The following MTUS2 variants were observed in gnomAD, a reference collection of about 807,000 sequenced individuals.
MTUS2 encodes microtubule associated scaffold protein 2.
In MTUS2, 40 loss-of-function variants were observed where a neutral mutation model predicts 114.1. The ratio of observed to expected loss-of-function variants is 0.35; its 90% CI spans 0.27 to 0.46. The LOEUF (loss-of-function observed/expected upper bound fraction) is 0.46, where lower values mean the gene tolerates loss of function less well. MTUS2 is among the 20% of genes least tolerant of loss of function. MTUS2 has a pLI of 1.00. For missense variants in MTUS2, 1,679 were observed against 1,705.4 expected, an observed-to-expected ratio of 0.98 and a Z score of 0.27; for synonymous variants, 688 against 672.0, an observed-to-expected ratio of 1.02 and a Z score of -0.37.
intron 7 of MTUS2, among the ~76,000 whole-genome samples, chr13:29,337,793 G>GTTTTT (rs567260002): frequency 0.069 from 9,071 of 132,408 alleles, 1,068 homozygotes; most frequent in African/African-American, 0.24. Flanking sequence ...GTTTGTTTTG[G>GTTTTT]TTTTTTTTTT....
At chr13:28,999,282 A>C (rs1885271571) in intron 2 of MTUS2, among the ~76,000 whole-genome samples, 2 of 152,106 alleles carry the variant, frequency 1.3e-5, no homozygotes, top group Admixed American at 1.3e-4. Context: ...TGGCCGTGTG[A>C]GGTGTCAGTC....
At chr13:28,840,010 ATAAAT>A (rs1009632857) in intron 2 of MTUS2, among the ~76,000 whole-genome samples, 160 bp downstream of exon 2, 6 of 147,626 alleles carry the variant, frequency 4.1e-5, no homozygotes, top group African/African-American at 7.6e-5. Flanking sequence ...GTCAATGAAA[ATAAAT>A]TATATGAAAG....
chr13:28,967,854 A>G (rs184693368), intron 2 of MTUS2, among the ~76,000 whole-genome samples: 27 of 152,326 alleles, frequency 1.8e-4, no homozygotes, highest in Admixed American at 1.1e-3. Flanking sequence ...TATGGAGTAT[A>G]TGGCTGTAGT....
In MTUS2 at chr13:29,125,705, C is replaced by G. The variant is rs374273847; in HGVS notation, c.2644+24735C>G. ...TACCTGGGAAGTTATAAAAATCACT[C>G]AGTAAAATGAAGTTGTTAAAAGGCA... On this transcript the variant is annotated intron_variant, in intron 5 of 15. Transcript: ENST00000612955. 1.6e-4 allele frequency among the ~76,000 whole-genome samples: 25 copies of G among 152,234 alleles called. No homozygotes were observed. The East Asian group carries it at 4.5e-3, about 27-fold the overall frequency.
At chr13:29,491,676 GTGTGGT>G (rs985635254) in intron 11 of MTUS2, among the ~76,000 whole-genome samples, 2 of 138,598 alleles carry the variant, frequency 1.4e-5, no homozygotes, top group African/African-American at 6.3e-5. Flanking sequence ...ATGCGATTGT[GTGTGGT>G]GTGTGTGGAG....
At chr13:28,871,393 A>G (rs1187885227) in intron 2 of MTUS2, among the ~76,000 whole-genome samples, 1 of 152,168 alleles carries the variant, frequency 6.6e-6, no homozygotes, top group Non-Finnish European at 1.5e-5. Context: ...TTCTGGGATT[A>G]TAGTGGCTCA....
intron 5 of MTUS2, among the ~76,000 whole-genome samples, chr13:29,200,916 G>A (rs985221552): frequency 1.3e-5 from 2 of 152,086 alleles, no homozygotes; most frequent in Non-Finnish European, 2.9e-5. Flanking sequence ...TCTGAGGAGC[G>A]TTTTACTTCC....
chr13:28,938,694 A>G (rs983983721), intron 2 of MTUS2, among the ~76,000 whole-genome samples: 1 of 152,158 alleles, frequency 6.6e-6, no homozygotes, highest in African/African-American at 2.4e-5. Flanking sequence ...TTATTGGAGA[A>G]ATTGAGATTC....
At chr13:28,905,389 GT>G (rs1189821541) in intron 2 of MTUS2, among the ~76,000 whole-genome samples, 1 of 151,472 alleles carries the variant, frequency 6.6e-6, no homozygotes, top group African/African-American at 2.4e-5. Context: ...TTGGCTGTGG[GT>G]TTGTCATAGA....
Position 29,026,174 on chromosome 13 carries a change from C to T in MTUS2, c.1476C>T (p.Gly492=). The T allele has an allele frequency of 6.2e-7, 1 of 1,613,992 alleles. No individual in the cohort carries two copies. Among genetic ancestry groups the T allele is most frequent in the Non-Finnish European group, 8.5e-7 (1 of 1,179,890 alleles). Residue 492 remains glycine (G), a synonymous_variant, in exon 3 of 16, where the codon GGC becomes GGT. Transcript: ENST00000612955. The stretch of plus-strand genomic sequence containing the variant: ...CTGAGCCCCTGGACCCTCAAAGTGG[C>T]CGCTCAGAAGCACGGGAAAGCAAAG... ...EVPEPLDPQS[G]RSEARESKEV...
rs111860894 is a variant in MTUS2, at chr13:29,004,187, G to A, written c.-242-20270G>A. Among the ~76,000 whole-genome samples, 890 of 145,030 alleles carry A rather than the reference G, an allele frequency of 6.1e-3. 8 individuals are homozygous for A. The highest frequency in any genetic ancestry group is 0.021 in the African/African-American group (849 of 39,862). ...TCTGCAACTCAGAAAGGATATATGG[G>A]CACGCACATGTATTGTGCATGCATG... On this transcript the variant is annotated intron_variant, in intron 2 of 15. Transcript: ENST00000612955.
At chr13:28,826,156 C>T (rs753729910) in intron 1 of MTUS2, among the ~76,000 whole-genome samples, 3 of 152,108 alleles carry the variant, frequency 2.0e-5, no homozygotes, top group Non-Finnish European at 4.4e-5. Context: ...TGTAACCAAG[C>T]ACTTTTCAAG....
chr13:29,497,226 C>T lies in MTUS2; in HGVS notation c.3580-12C>T. The T allele has an allele frequency of 6.2e-7, 1 of 1,610,896 alleles. No individual in the cohort carries two copies. Among genetic ancestry groups the T allele is most frequent in the Non-Finnish European group, 8.5e-7 (1 of 1,178,760 alleles). ...GTGGCCCCAGCTGGACTCCTTGTAT[C>T]ATTACTTGCAGGACCAGGTGGACAC... is the stretch of plus-strand genomic sequence containing the variant. On this transcript the variant is annotated splice_polypyrimidine_tract_variant and intron_variant, in intron 12 of 15. Transcript: ENST00000612955.
chr13:29,492,782 CACAA>C, intron 12 of MTUS2, 63 bp downstream of exon 12: 2 of 1,273,970 alleles, frequency 1.6e-6, no homozygotes, highest in Non-Finnish European at 2.3e-6. Flanking sequence ...TATTCCCACC[CACAA>C]ACATTCATTC....
intron 2 of MTUS2, among the ~76,000 whole-genome samples, chr13:28,945,560 G>A (rs1882482082): frequency 6.6e-6 from 1 of 152,056 alleles, no homozygotes; most frequent in African/African-American, 2.4e-5. Flanking sequence ...GTTTTAATTT[G>A]CATTTCTGAT....
intron 7 of MTUS2, among the ~76,000 whole-genome samples, chr13:29,355,507 A>G (rs1157152560): frequency 2.0e-5 from 3 of 152,230 alleles, no homozygotes; most frequent in Non-Finnish European, 4.4e-5. Context: ...CTTAATTGGT[A>G]AGAGCCCTGG....
intron 2 of MTUS2, among the ~76,000 whole-genome samples, chr13:28,858,472 C>T (rs1462606464): frequency 3.9e-5 from 6 of 152,164 alleles, no homozygotes; most frequent in Admixed American, 1.3e-4. Flanking sequence ...TCTTCATCCA[C>T]TACCTCCCAG....
chr13:29,192,512 C>A (rs1433691720), intron 5 of MTUS2, among the ~76,000 whole-genome samples: 1 of 151,294 alleles, frequency 6.6e-6, no homozygotes. Context: ...TTAACAATAA[C>A]ATATTATACA....
chr13:28,979,974 G>A (rs1884284028), intron 2 of MTUS2, among the ~76,000 whole-genome samples: 1 of 152,076 alleles, frequency 6.6e-6, no homozygotes, highest in Non-Finnish European at 1.5e-5. Flanking sequence ...AATTAGGGAG[G>A]TACTCTCTTG....
Sources: gnomAD v4.1 joint callset for allele counts (sites outside exome capture counted in the v4.1 genomes callset) on GRCh38, gnomAD v4.1.1 for gene constraint, MANE v1.5 for transcripts, NCBI Gene and HGNC (gene_info 2026-07-23, HGNC 2026-07-21) for gene names.